Variants in CAMTA1 observed in about 807,000 individuals in gnomAD.
CAMTA1 encodes the protein calmodulin binding transcription activator 1.
A neutral mutation model predicts 170.9 loss-of-function variants in CAMTA1; 27 were observed. That is an observed-to-expected ratio of 0.16 (90% confidence interval 0.12 to 0.22). The LOEUF (loss-of-function observed/expected upper bound fraction) is 0.22, where lower values mean the gene tolerates loss of function less well. Ranked by LOEUF, CAMTA1 falls within the 10% of genes least tolerant of loss-of-function variation. The probability of loss-of-function intolerance (pLI) is 1.00; values close to 1 mark genes in which losing one functional copy is unlikely to be tolerated. For missense variants in CAMTA1, 1,619 were observed against 2,217.2 expected, an observed-to-expected ratio of 0.73 and a Z score of 5.42; for synonymous variants, 833 against 891.5, an observed-to-expected ratio of 0.93 and a Z score of 1.17.
chr1:7,429,947 C>T (rs759251691), intron 5 of CAMTA1, among the ~76,000 whole-genome samples: 7 of 152,036 alleles, frequency 4.6e-5, no homozygotes, highest in African/African-American at 7.3e-5. Flanking sequence ...ACTGTCACCA[C>T]GACAGCACCA....
intron 5 of CAMTA1, among the ~76,000 whole-genome samples, chr1:7,445,280 C>A (rs1250405664): frequency 6.6e-6 from 1 of 151,350 alleles, no homozygotes; most frequent in Non-Finnish European, 1.5e-5. Flanking sequence ...ATATCCAGAG[C>A]CTTCTGGAAT....
At chr1:6,996,692 AGAAAGAAAG>A (rs1697310707) in intron 3 of CAMTA1, among the ~76,000 whole-genome samples, 1 of 145,652 alleles carries the variant, frequency 6.9e-6, no homozygotes, top group African/African-American at 2.6e-5. Context: ...TAAAAAAAAA[AGAAAGAAAG>A]AAAGAAAGAA....
At chr1:7,621,265 A>AC (rs1376755113) in intron 6 of CAMTA1, among the ~76,000 whole-genome samples, 1 of 151,792 alleles carries the variant, frequency 6.6e-6, no homozygotes, top group African/African-American at 2.4e-5. Context: ...CTCTGGGAGG[A>AC]CCCCCCATGG....
chr1:7,235,919 GTCCT>G (rs1444103949), intron 4 of CAMTA1, among the ~76,000 whole-genome samples: 2 of 152,184 alleles, frequency 1.3e-5, no homozygotes, highest in Admixed American at 1.3e-4. Flanking sequence ...CCTTCTCCTT[GTCCT>G]TATTATTCGT....
chr1:7,107,262 G>A (rs1643680108), intron 4 of CAMTA1, among the ~76,000 whole-genome samples: 2 of 99,806 alleles, frequency 2.0e-5, no homozygotes, highest in Non-Finnish European at 3.9e-5. Context: ...GTGTGTGCAT[G>A]TGTATGTGTG....
intron 3 of CAMTA1, among the ~76,000 whole-genome samples, chr1:7,051,970 C>T (rs895277044): frequency 1.4e-4 from 21 of 151,906 alleles, no homozygotes; most frequent in African/African-American, 2.9e-4. Flanking sequence ...CCCCTTCTTC[C>T]GCTCAGGGGC....
chr1:6,984,575 C>T (rs567259963), intron 3 of CAMTA1, among the ~76,000 whole-genome samples: 24 of 152,274 alleles, frequency 1.6e-4, no homozygotes, highest in African/African-American at 5.5e-4. Context: ...GATGGCGCCA[C>T]TGCACCCTGC....
chr1:7,596,049 G>C lies in CAMTA1; in HGVS notation c.511-44351G>C, dbSNP rs983318966. ...GCAAGCTGGGCAATTTAGCTTCACT[G>C]TCCCCATCCGTCTTGCTCCCTCTGT... On this transcript the variant is annotated intron_variant, in intron 6 of 22. Transcript: ENST00000303635. Among the ~76,000 whole-genome samples, 12 of 152,208 alleles carry C rather than the reference G, an allele frequency of 7.9e-5. No homozygotes were observed. The East Asian group carries it at 2.3e-3, about 29-fold the overall frequency.
intron 12 of CAMTA1, among the ~76,000 whole-genome samples, chr1:7,735,289 T>C (rs946441400): frequency 2.0e-5 from 3 of 151,624 alleles, no homozygotes; most frequent in African/African-American, 7.3e-5. Context: ...TGAGATCGGG[T>C]GTTCGAGACC....
chr1:7,306,779 C>T (rs1224117420), intron 5 of CAMTA1, among the ~76,000 whole-genome samples: 3 of 151,834 alleles, frequency 2.0e-5, no homozygotes, highest in Non-Finnish European at 4.4e-5. Context: ...GCAGTACAAT[C>T]AGCTCTCCAT....
intron 6 of CAMTA1, among the ~76,000 whole-genome samples, chr1:7,548,594 T>C (rs1276619089): frequency 2.8e-5 from 4 of 144,722 alleles, no homozygotes; most frequent in Non-Finnish European, 4.5e-5. Flanking sequence ...GGGTGTCCCC[T>C]TAGGGGTGGA....
chr1:7,544,070 G>T (rs2094652430), intron 6 of CAMTA1, among the ~76,000 whole-genome samples: 1 of 152,144 alleles, frequency 6.6e-6, no homozygotes. Flanking sequence ...TGGTGTATTA[G>T]TCTGTTTTCA....
intron 5 of CAMTA1, among the ~76,000 whole-genome samples, chr1:7,374,126 C>A (rs2086679741): frequency 6.6e-6 from 1 of 152,216 alleles, no homozygotes; most frequent in South Asian, 2.1e-4. Flanking sequence ...TGACAAATTG[C>A]CCAGGAAGCA....
At chr1:7,210,532 T>A (rs1231660651) in intron 4 of CAMTA1, among the ~76,000 whole-genome samples, 1 of 152,202 alleles carries the variant, frequency 6.6e-6, no homozygotes, top group African/African-American at 2.4e-5. Flanking sequence ...TATTGTTTAT[T>A]CTCTTCATAA....
intron 5 of CAMTA1, among the ~76,000 whole-genome samples, chr1:7,399,524 C>G (rs1464559753): frequency 6.6e-6 from 1 of 152,208 alleles, no homozygotes; most frequent in Non-Finnish European, 1.5e-5. Flanking sequence ...ATCATCATTA[C>G]AGTAATATAG....
chr1:6,938,220 A>G (rs1408116186), intron 3 of CAMTA1, among the ~76,000 whole-genome samples: 3 of 152,228 alleles, frequency 2.0e-5, no homozygotes, highest in African/African-American at 7.2e-5. Context: ...AGGATGCAAT[A>G]ATTTTGAGTT....
chr1:7,744,541 A>G (rs1242890875), intron 16 of CAMTA1, among the ~76,000 whole-genome samples: 1 of 152,220 alleles, frequency 6.6e-6, no homozygotes, highest in East Asian at 1.9e-4. Context: ...GCCCAGTGTC[A>G]TTAATTGGTT....
At chr1:7,022,517 G>C (rs1701505052) in intron 3 of CAMTA1, among the ~76,000 whole-genome samples, 1 of 152,200 alleles carries the variant, frequency 6.6e-6, no homozygotes. Flanking sequence ...GTCAGTTCTT[G>C]GTTTCCAGGG....
At chr1:7,564,563 T>C (rs1365927978) in intron 6 of CAMTA1, among the ~76,000 whole-genome samples, 1 of 152,192 alleles carries the variant, frequency 6.6e-6, no homozygotes. Flanking sequence ...CTTGGTTGCC[T>C]GTGCATGCCT....
Sources: allele counts gnomAD v4.1 joint callset (sites outside exome capture counted in the v4.1 genomes callset), GRCh38; gene constraint gnomAD v4.1.1; transcripts MANE v1.5; gene names NCBI Gene and HGNC (gene_info 2026-07-23, HGNC 2026-07-21).